ZFYVE16: variants seen among roughly 807,000 people sequenced by gnomAD.
ZFYVE16 encodes zinc finger FYVE domain-containing protein 16.
In ZFYVE16, 89 loss-of-function variants were observed where a neutral mutation model predicts 138.1. That is an observed-to-expected ratio of 0.64 (90% CI 0.54 to 0.77). The LOEUF is 0.77. ZFYVE16 is among the 30% of genes least tolerant of loss of function. The pLI is 0.00. For missense variants in ZFYVE16, 1,793 were observed against 1,786.7 expected, an observed-to-expected ratio of 1.00 and a Z score of -0.06; for synonymous variants, 596 against 618.3, an observed-to-expected ratio of 0.96 and a Z score of 0.53.
At chr5:80,423,118 G>A (rs1177173410) in intron 1 of ZFYVE16, among the ~76,000 whole-genome samples, 1 of 152,074 alleles carries the variant, frequency 6.6e-6, no homozygotes, top group Admixed American at 6.5e-5. Context: ...TTCTTTAGAT[G>A]TTTGGCAAAA....
At chr5:80,430,199 C>T (rs1306064353) in intron 2 of ZFYVE16, among the ~76,000 whole-genome samples, 2 of 152,152 alleles carry the variant, frequency 1.3e-5, no homozygotes, top group Non-Finnish European at 2.9e-5. Flanking sequence ...GTAAAGCACT[C>T]CTCAGCAAAT....
intron 10 of ZFYVE16, 143 bp from the exon 11 acceptor site, chr5:80,451,342 T>C: frequency 3.4e-6 from 2 of 596,068 alleles, no homozygotes; most frequent in Admixed American, 6.8e-5. Flanking sequence ...AAAAAATCTA[T>C]AGTGTCTTAA....
At chr5:80,414,405 T>G (rs1256727801) in intron 1 of ZFYVE16, among the ~76,000 whole-genome samples, 1 of 152,200 alleles carries the variant, frequency 6.6e-6, no homozygotes, top group Non-Finnish European at 1.5e-5. Context: ...TTTCTTGGAT[T>G]TCAGGTTTTC....
At chr5:80,467,155 G>C (rs1156582863) in intron 15 of ZFYVE16, among the ~76,000 whole-genome samples, 1 of 152,220 alleles carries the variant, frequency 6.6e-6, no homozygotes, top group Non-Finnish European at 1.5e-5. Flanking sequence ...GAAATGGAAT[G>C]ATTATGCATA....
At chr5:80,410,935 C>T (rs1416885511) in intron 1 of ZFYVE16, among the ~76,000 whole-genome samples, 1 of 151,000 alleles carries the variant, frequency 6.6e-6, no homozygotes, top group African/African-American at 2.4e-5. Flanking sequence ...TTTACAAGAG[C>T]ACATGCCTTT....
At chr5:80,454,495 C>CGA (rs1005529973) in intron 11 of ZFYVE16, 12 of 151,572 alleles carry the variant, frequency 7.9e-5, no homozygotes, top group African/African-American at 2.9e-4. Flanking sequence ...TTCCCTGACT[C>CGA]TATCTGTATA....
intron 11 of ZFYVE16, chr5:80,452,423 GACT>G (rs934789063): frequency 2.3e-5 from 2 of 88,782 alleles, no homozygotes; most frequent in African/African-American, 9.1e-5. Flanking sequence ...GACAGAGCAA[GACT>G]ACGTCTCAAA....
chr5:80,459,789 A>T (rs1752917220), intron 15 of ZFYVE16, among the ~76,000 whole-genome samples: 2 of 152,184 alleles, frequency 1.3e-5, no homozygotes, highest in South Asian at 4.1e-4. Flanking sequence ...AGATAAATAA[A>T]AGTGAAATCA....
intron 1 of ZFYVE16, chr5:80,411,506 A>G (rs1745455954): frequency 6.6e-6 from 1 of 152,170 alleles, no homozygotes. Context: ...TTCATTTAAC[A>G]TTATATATTG....
intron 5 of ZFYVE16, 146 bp from the exon 6 acceptor site, chr5:80,442,975 ATC>A: frequency 1.4e-6 from 1 of 719,960 alleles, no homozygotes; most frequent in South Asian, 2.4e-5. Context: ...CTCAGACAGT[ATC>A]TTTGCCAAGT....
intron 2 of ZFYVE16, among the ~76,000 whole-genome samples, chr5:80,431,680 T>C (rs1749050613): frequency 6.6e-6 from 1 of 152,214 alleles, no homozygotes; most frequent in Admixed American, 6.5e-5. Context: ...ATTGTATATT[T>C]AGAAAACCCC....
chr5:80,476,871 G>C (rs1001594716), intron 18 of ZFYVE16, among the ~76,000 whole-genome samples: 14 of 152,100 alleles, frequency 9.2e-5, no homozygotes, highest in Non-Finnish European at 2.1e-4. Context: ...CAACAAATTT[G>C]AAATATTTCA....
chr5:80,430,416 A>C (rs1174948007), intron 2 of ZFYVE16, among the ~76,000 whole-genome samples: 1 of 151,990 alleles, frequency 6.6e-6, no homozygotes, highest in Non-Finnish European at 1.5e-5. Flanking sequence ...AACATACCAG[A>C]ATCTCTGGGA....
chr5:80,439,027 T>C lies in ZFYVE16; in HGVS notation c.2322+20T>C, dbSNP rs1750353192. 6.3e-7 allele frequency: 1 copy of C among 1,585,662 alleles called. No individual in the cohort carries two copies. The highest frequency in any genetic ancestry group is 1.9e-5 in the Admixed American group (1 of 53,904). ...GGGAAAGTAAGTTATAAAAATCTTT[T>C]AAGTCTTTTGTTCTTTTGAGACATT... On this transcript the variant is annotated intron_variant, in intron 4 of 18. Transcript: ENST00000505560.
chr5:80,455,728 A>G lies in ZFYVE16; in HGVS notation c.3644A>G (p.Lys1215Arg), dbSNP rs1752462197. Reference protein sequence around the residue: ...PAPLTSIRGRKPLFGEIGHTI... With the variant: ...PAPLTSIRGRRPLFGEIGHTI... ...CCTCTAACAAGCATCAGAGGCCGAA[A>G]ACCTCTTTTTGGAGAAATAGGACAC... The change falls in exon 12 of 19, where the codon AAA becomes AGA. Residue 1215 changes from lysine (K) to arginine (R), a missense_variant. Transcript: ENST00000505560. The G allele has an allele frequency of 6.3e-7, 1 of 1,595,198 alleles. No individual in the cohort carries two copies. Among genetic ancestry groups the G allele is most frequent in the African/African-American group, 1.4e-5 (1 of 73,258 alleles).
chr5:80,423,207 A>T (rs1379001335), intron 1 of ZFYVE16, among the ~76,000 whole-genome samples: 1 of 152,098 alleles, frequency 6.6e-6, no homozygotes, highest in Admixed American at 6.6e-5. Context: ...TTTAAAATAG[A>T]TGTAGGGATT....
chr5:80,463,148 T>A (rs1016952415), intron 15 of ZFYVE16, among the ~76,000 whole-genome samples: 2 of 152,208 alleles, frequency 1.3e-5, no homozygotes, highest in African/African-American at 2.4e-5. Context: ...AGTGCCCCAG[T>A]GGGGACTCTT....
At chr5:80,456,304 G>T (rs1752523133) in intron 12 of ZFYVE16, 157 bp from the exon 13 acceptor site, 2 of 541,784 alleles carry the variant, frequency 3.7e-6, no homozygotes. Flanking sequence ...TATTTTGGAA[G>T]TTCTGTAACT....
chr5:80,452,471 T>G (rs1478868066), intron 11 of ZFYVE16: 1 of 150,048 alleles, frequency 6.7e-6, no homozygotes, highest in Non-Finnish European at 1.5e-5. Flanking sequence ...GTTACAGATT[T>G]CAGAGCATTT....
Sources: gnomAD v4.1 joint callset for allele counts (sites outside exome capture counted in the v4.1 genomes callset) on GRCh38, gnomAD v4.1.1 for gene constraint, MANE v1.5 for transcripts, NCBI Gene and HGNC (gene_info 2026-07-23, HGNC 2026-07-21) for gene names.